HSD17B3: variants seen among roughly 807,000 people sequenced by gnomAD.
HSD17B3 encodes 17-beta-hydroxysteroid dehydrogenase type 3.
HSD17B3 carries 29 observed loss-of-function variants against 41.1 expected under a neutral mutation model. The observed-to-expected ratio is 0.71, with a 90% CI of 0.53 to 0.96. The LOEUF (loss-of-function observed/expected upper bound fraction) is 0.96, where lower values mean the gene tolerates loss of function less well. Among genes scored for constraint, HSD17B3 ranks in the 40% least tolerant of loss-of-function variants. HSD17B3 has a pLI of 0.00. For synonymous variants in HSD17B3, 126 were observed against 145.6 expected, an observed-to-expected ratio of 0.87 and a Z score of 0.97; for missense variants, 323 against 374.6, an observed-to-expected ratio of 0.86 and a Z score of 1.14.
intron 10 of HSD17B3, among the ~76,000 whole-genome samples, chr9:96,235,988 T>A (rs1334496392): frequency 2.0e-5 from 3 of 151,614 alleles, no homozygotes; most frequent in African/African-American, 7.3e-5. Context: ...TCTTTTTTTT[T>A]TTTCAGAGAC....
intron 2 of HSD17B3, among the ~76,000 whole-genome samples, chr9:96,270,961 G>C (rs1010795300): frequency 1.2e-4 from 18 of 146,762 alleles, no homozygotes; most frequent in African/African-American, 4.5e-4. Flanking sequence ...CTCGGGGGGG[G>C]GGGTTAAGAT....
intron 10 of HSD17B3, among the ~76,000 whole-genome samples, chr9:96,240,073 G>C (rs1015773487): frequency 6.6e-6 from 1 of 152,014 alleles, no homozygotes; most frequent in African/African-American, 2.4e-5. Context: ...GGCCTGTCGG[G>C]GGGTGGGGGG....
intron 1 of HSD17B3, among the ~76,000 whole-genome samples, chr9:96,300,613 G>C (rs952456677): frequency 9.9e-6 from 1 of 101,166 alleles, no homozygotes; most frequent in African/African-American, 3.3e-5. Context: ...TTCTTTGTGT[G>C]TGTGTGTGTG....
chr9:96,278,988 A>G lies in HSD17B3; in HGVS notation c.201+19428T>C, dbSNP rs1587768520. Among the ~76,000 whole-genome samples the G allele has an allele frequency of 1.3e-5, 2 of 152,206 alleles. 1 individual carries two copies. The highest frequency in any genetic ancestry group is 4.1e-4 in the South Asian group (2 of 4,826). On this transcript the variant is annotated intron_variant, in intron 2 of 10. Transcript: ENST00000375263. ...GCATGAGGGCTCATCCCCGGTAGAT[A>G]AAATATTCTAAGGGGTGGATACAGT...
chr9:96,280,242 G>T (rs192317195), intron 2 of HSD17B3, among the ~76,000 whole-genome samples: 1 of 152,302 alleles, frequency 6.6e-6, no homozygotes, highest in East Asian at 1.9e-4. Flanking sequence ...GGGTCCATTC[G>T]ATTGGTTGGG....
At chr9:96,284,215 T>TAAAAAAAAAA (rs569621446) in intron 2 of HSD17B3, among the ~76,000 whole-genome samples, 2 of 100,212 alleles carry the variant, frequency 2.0e-5, no homozygotes, top group Non-Finnish European at 3.9e-5. Flanking sequence ...GACTCCATCT[T>TAAAAAAAAAA]AAAAAAAAAA....
chr9:96,267,157 AT>A (rs11301816), intron 2 of HSD17B3, among the ~76,000 whole-genome samples: 114,792 of 137,982 alleles, frequency 0.83, 47,722 homozygotes, highest in Non-Finnish European at 0.88. Context: ...AAAAGACAAC[AT>A]TTTTTTTTTT....
Position 96,298,473 on chromosome 9 carries a change from C to A in HSD17B3, c.155-11G>T. On this transcript the variant is annotated splice_polypyrimidine_tract_variant and intron_variant, in intron 1 of 10. Coordinates refer to ENST00000375263, the MANE Select transcript of HSD17B3 (RefSeq NM_000197.2). The stretch of plus-strand genomic sequence containing the variant: ...CTGCTCCAGTGATCACTGTGAAAAG[C>A]AAGAATGCTTTTAAAAGACAGAATT... The A allele has an allele frequency of 6.2e-7, 1 of 1,611,638 alleles. No homozygotes were observed. Among genetic ancestry groups the A allele is most frequent in the Non-Finnish European group, 8.5e-7 (1 of 1,177,750 alleles).
At chr9:96,280,903 G>A (rs1443522924) in intron 2 of HSD17B3, among the ~76,000 whole-genome samples, 1 of 152,148 alleles carries the variant, frequency 6.6e-6, no homozygotes, top group Non-Finnish European at 1.5e-5. Context: ...CAAATGCCAG[G>A]GCAATGTCAG....
intron 7 of HSD17B3, 62 bp downstream of exon 7, chr9:96,246,494 G>A (rs750660186): frequency 6.8e-7 from 1 of 1,473,088 alleles, no homozygotes; most frequent in Non-Finnish European, 9.5e-7. Flanking sequence ...CAGTCCCTGA[G>A]TTAGCTGACC....
intron 8 of HSD17B3, among the ~76,000 whole-genome samples, chr9:96,244,644 A>G (rs946306574): frequency 3.3e-5 from 5 of 152,060 alleles, no homozygotes; most frequent in South Asian, 4.2e-4. Flanking sequence ...AAGCAAGTAG[A>G]TCTCAGGGGT....
chr9:96,245,517 C>G (rs1836626918), intron 7 of HSD17B3, 91 bp from the exon 8 acceptor site: 2 of 927,142 alleles, frequency 2.2e-6, no homozygotes, highest in Non-Finnish European at 3.5e-6. Flanking sequence ...TGAACACTGC[C>G]GGACTCGACC....
chr9:96,256,303 G>A (rs545703346), intron 2 of HSD17B3: 8 of 152,102 alleles, frequency 5.3e-5, no homozygotes, highest in Admixed American at 3.3e-4. Context: ...TAGTATATGT[G>A]TTGCAGAAAC....
At chr9:96,266,823 TAAAGC>T (rs1826057225) in intron 2 of HSD17B3, among the ~76,000 whole-genome samples, 2 of 151,970 alleles carry the variant, frequency 1.3e-5, no homozygotes, top group African/African-American at 4.8e-5. Context: ...ACTGAGGAGA[TAAAGC>T]AGTGGGTATG....
At chr9:96,235,890 C>G (rs956859879) in intron 10 of HSD17B3, among the ~76,000 whole-genome samples, 2 of 152,006 alleles carry the variant, frequency 1.3e-5, no homozygotes, top group African/African-American at 2.4e-5. Flanking sequence ...ACTGCAGCCT[C>G]AACCTCCTGG....
At chr9:96,284,279 T>TA (rs1336091971) in intron 2 of HSD17B3, among the ~76,000 whole-genome samples, 4 of 150,750 alleles carry the variant, frequency 2.7e-5, no homozygotes, top group Non-Finnish European at 5.9e-5. Flanking sequence ...CTTAAAATGT[T>TA]ACTGTTTTGT....
chr9:96,247,254 C>G (rs1447155349), intron 6 of HSD17B3: 1 of 154,342 alleles, frequency 6.5e-6, no homozygotes, highest in African/African-American at 2.4e-5. Context: ...GAAGAGGCAA[C>G]CCCATGGACT....
At chr9:96,300,168 G>A (rs1168357644) in intron 1 of HSD17B3, among the ~76,000 whole-genome samples, 4 of 147,500 alleles carry the variant, frequency 2.7e-5, no homozygotes, top group South Asian at 4.4e-4. Context: ...TGCTGAGCAA[G>A]TTCAAGCAAG....
chr9:96,254,903 G>A lies in HSD17B3; in HGVS notation c.242C>T (p.Thr81Met), dbSNP rs746859258. The A allele has an allele frequency of 6.7e-5, 108 of 1,613,918 alleles. 1 individual carries two copies. The highest frequency in any genetic ancestry group is 8.3e-5 in the Admixed American group (5 of 59,974). ...RGLNVVLISRTLEKLEAIATE... is the reference protein window; with the variant it reads ...RGLNVVLISRMLEKLEAIATE... ...GGCAATGGCCTCTAGTTTTTCCAGC[G>A]TCCGGCTAATAAGGACAACATTGAG... The change falls in exon 3 of 11, where the codon ACG becomes ATG. Residue 81 changes from threonine (T) to methionine (M), a missense_variant. Transcript: ENST00000375263.
Sources: gnomAD v4.1 joint callset for allele counts (sites outside exome capture counted in the v4.1 genomes callset) on GRCh38, gnomAD v4.1.1 for gene constraint, MANE v1.5 for transcripts, NCBI Gene and HGNC (gene_info 2026-07-23, HGNC 2026-07-21) for gene names.